TENM2: variants seen among roughly 807,000 people sequenced by gnomAD.
TENM2 encodes the protein teneurin-2.
TENM2 carries 52 observed loss-of-function variants against 245.2 expected under a neutral mutation model. That is an observed-to-expected ratio of 0.21 (90% CI 0.17 to 0.27). The LOEUF is 0.27. Among genes scored for constraint, TENM2 ranks in the 10% least tolerant of loss-of-function variants. The pLI, the probability that TENM2 is intolerant of heterozygous loss-of-function variation, is 1.00. For missense variants in TENM2, 3,046 were observed against 3,666.8 expected, an observed-to-expected ratio of 0.83 and a Z score of 4.37; for synonymous variants, 1,363 against 1,438.9, an observed-to-expected ratio of 0.95 and a Z score of 1.19.
chr5:167,659,470 A>G (rs998188648), intron 2 of TENM2, among the ~76,000 whole-genome samples: 6 of 152,210 alleles, frequency 3.9e-5, no homozygotes, highest in African/African-American at 1.4e-4. Flanking sequence ...GTTGAATACA[A>G]GGAAGCAAAT....
chr5:167,248,521 A>C, the TENM2 span, among the ~76,000 whole-genome samples: 2 of 152,194 alleles, frequency 1.3e-5, no homozygotes, highest in Admixed American at 6.5e-5. Flanking sequence ...TGCTGCCGAT[A>C]CTTGGACTAC....
At chr5:167,662,429 T>A (rs745944765) in intron 2 of TENM2, among the ~76,000 whole-genome samples, 1 of 152,196 alleles carries the variant, frequency 6.6e-6, no homozygotes, top group Non-Finnish European at 1.5e-5. Flanking sequence ...TTAATAGATT[T>A]TATGGTTACT....
chr5:167,123,323 G>A, the TENM2 span, among the ~76,000 whole-genome samples: 2 of 152,080 alleles, frequency 1.3e-5, no homozygotes, highest in African/African-American at 2.4e-5. Flanking sequence ...GCAAGACTCT[G>A]TCTCAAAAAA....
rs1766608407 is a variant in TENM2 at position 168,246,739 on chromosome 5, C to G, written c.5818-18C>G. 1 of 1,609,528 alleles carries G rather than the reference C, an allele frequency of 6.2e-7. No individual in the cohort carries two copies. Among genetic ancestry groups the G allele is most frequent in the African/African-American group, 1.3e-5 (1 of 74,968 alleles). On this transcript the variant is annotated intron_variant, in intron 26 of 28. Coordinates refer to ENST00000518659, the Ensembl canonical transcript of TENM2. ...CAAAAGCCAACTGATATGTTCTGTT[C>G]CCCTTTCCTTTCTGCAGTCCATGGT...
chr5:167,648,087 T>C (rs557986931), intron 2 of TENM2, among the ~76,000 whole-genome samples: 73 of 152,280 alleles, frequency 4.8e-4, no homozygotes, highest in African/African-American at 1.6e-3. Flanking sequence ...GTGGTATAGA[T>C]GAAAGCATGG....
intron 25 of TENM2, among the ~76,000 whole-genome samples, chr5:168,233,682 T>G (rs989538193): frequency 6.6e-6 from 1 of 152,152 alleles, no homozygotes; most frequent in African/African-American, 2.4e-5. Flanking sequence ...TTAAATGGTG[T>G]ACTAGTCTGT....
At chr5:167,797,333 A>G (rs1391025117) in intron 2 of TENM2, among the ~76,000 whole-genome samples, 7 of 152,166 alleles carry the variant, frequency 4.6e-5, no homozygotes, top group African/African-American at 9.7e-5. Flanking sequence ...TGCATTAACT[A>G]GGACCCATTC....
chr5:168,109,760 C>T (rs1794524387), intron 9 of TENM2, among the ~76,000 whole-genome samples: 1 of 152,234 alleles, frequency 6.6e-6, no homozygotes, highest in African/African-American at 2.4e-5. Context: ...TTTGCTTGGA[C>T]TGCCCAAAGA....
chr5:167,313,904 A>T (rs567309075), intron 1 of TENM2, among the ~76,000 whole-genome samples: 1 of 152,314 alleles, frequency 6.6e-6, no homozygotes, highest in East Asian at 1.9e-4. Flanking sequence ...ATTTGGAGTA[A>T]AGAACGTCCA....
intron 2 of TENM2, among the ~76,000 whole-genome samples, chr5:167,835,501 T>C (rs1372457736): frequency 2.0e-5 from 3 of 152,232 alleles, no homozygotes; most frequent in Non-Finnish European, 4.4e-5. Context: ...GCCCCTCCTC[T>C]GCCTGAATCT....
intron 2 of TENM2, among the ~76,000 whole-genome samples, chr5:167,828,716 G>C (rs575642939): frequency 7.9e-5 from 12 of 151,948 alleles, no homozygotes; most frequent in Non-Finnish European, 1.6e-4. Flanking sequence ...TATTAGGAAG[G>C]GTAATCCTCT....
the TENM2 span, among the ~76,000 whole-genome samples, chr5:167,270,983 G>T: frequency 6.6e-6 from 1 of 152,108 alleles, no homozygotes; most frequent in African/African-American, 2.4e-5. Flanking sequence ...TGACTGGCAG[G>T]CATTCATGAA....
intron 12 of TENM2, among the ~76,000 whole-genome samples, chr5:168,138,468 A>G (rs1755257406): frequency 1.3e-5 from 2 of 152,234 alleles, no homozygotes; most frequent in South Asian, 2.1e-4. Flanking sequence ...ATAGCAAACA[A>G]CCCAAAATTT....
chr5:167,406,309 T>G (rs1258923255), intron 2 of TENM2, among the ~76,000 whole-genome samples: 2 of 152,292 alleles, frequency 1.3e-5, no homozygotes, highest in Non-Finnish European at 2.9e-5. Context: ...AGCCTGACAT[T>G]AGGCACCCTG....
chr5:167,470,330 A>C (rs534461008), intron 2 of TENM2, among the ~76,000 whole-genome samples: 1 of 152,068 alleles, frequency 6.6e-6, no homozygotes, highest in Non-Finnish European at 1.5e-5. Context: ...TCAATTATAG[A>C]TCACCATTTT....
the TENM2 span, among the ~76,000 whole-genome samples, chr5:167,120,566 A>G: frequency 1.1e-3 from 161 of 152,280 alleles, 1 homozygote; most frequent in Admixed American, 9.1e-3. Flanking sequence ...CATTCATGCC[A>G]TCTTATGGTC....
chr5:168,263,574 A>G (rs950704840), downstream of TENM2: 6 of 152,640 alleles, frequency 3.9e-5, no homozygotes, highest in African/African-American at 7.2e-5. Context: ...GGTCCCAACT[A>G]AGTCTGGCCT....
At chr5:167,414,098 C>A (rs1236223194) in intron 2 of TENM2, among the ~76,000 whole-genome samples, 2 of 152,106 alleles carry the variant, frequency 1.3e-5, no homozygotes, top group Non-Finnish European at 2.9e-5. Flanking sequence ...ACTTGTTTCT[C>A]AAAATAACTG....
At chr5:168,034,397 C>T (rs1046558144) in intron 5 of TENM2, among the ~76,000 whole-genome samples, 4 of 149,598 alleles carry the variant, frequency 2.7e-5, no homozygotes, top group African/African-American at 9.8e-5. Flanking sequence ...AGGTAATTAC[C>T]AGTGTAAAGC....
Sources: gnomAD v4.1 joint callset for allele counts (sites outside exome capture counted in the v4.1 genomes callset) on GRCh38, gnomAD v4.1.1 for gene constraint, MANE v1.5 for transcripts, NCBI Gene and HGNC (gene_info 2026-07-23, HGNC 2026-07-21) for gene names.